The following LRRN1 variants were observed in gnomAD, a reference collection of about 807,000 sequenced individuals.
LRRN1 encodes leucine rich repeat neuronal 1.
LRRN1 carries 14 observed loss-of-function variants against 45.8 expected under a neutral mutation model. That is an observed-to-expected ratio of 0.31 (90% CI 0.20 to 0.48). The LOEUF is 0.48. Ranked by LOEUF, LRRN1 falls within the 20% of genes least tolerant of loss-of-function variation. The probability of loss-of-function intolerance (pLI) is 0.99; values close to 1 mark genes in which losing one functional copy is unlikely to be tolerated. For synonymous variants in LRRN1, 359 were observed against 330.1 expected (o/e 1.09, Z -0.95); for missense variants, 789 against 874.2 (o/e 0.90, Z 1.23).
In LRRN1 at chr3:3,844,594, T is replaced by G. The variant is rs1693716312; in HGVS notation, c.-48T>G. On this transcript the variant is annotated 5_prime_UTR_variant, in exon 2 of 2. Coordinates refer to ENST00000319331, the MANE Select transcript of LRRN1 (RefSeq NM_020873.7). ...ATATCACAATATAGTGTTCACGTTTTGTTAAAACTTTGGGGTGTCAGGAGT... is the reference window on the plus strand; with the variant it reads ...ATATCACAATATAGTGTTCACGTTTGGTTAAAACTTTGGGGTGTCAGGAGT... The G allele has an allele frequency of 7.0e-7, 1 of 1,429,042 alleles. No individual in the cohort carries two copies. Among genetic ancestry groups the G allele is most frequent in the Admixed American group, 1.9e-5 (1 of 51,816 alleles). 88.5% of individuals were successfully genotyped at this position (1,429,042 alleles called of 1,614,324 possible).
chr3:3,842,401 A>ATG (rs899913066), intron 1 of LRRN1, among the ~76,000 whole-genome samples: 5 of 146,212 alleles, frequency 3.4e-5, no homozygotes, highest in African/African-American at 1.3e-4. Context: ...TCTGGATTTA[A>ATG]TTTTTTTTTT....
At chr3:3,819,068 A>G (rs1693047754) in intron 1 of LRRN1, among the ~76,000 whole-genome samples, 1 of 151,904 alleles carries the variant, frequency 6.6e-6, no homozygotes, top group African/African-American at 2.4e-5. Context: ...ATCACAGCTC[A>G]CTTGCAGCCT....
intron 1 of LRRN1, among the ~76,000 whole-genome samples, chr3:3,835,744 C>T (rs1347557800): frequency 1.3e-5 from 2 of 152,098 alleles, no homozygotes; most frequent in Admixed American, 1.3e-4. Flanking sequence ...AATATCCTAT[C>T]TGACACAATG....
chr3:3,834,501 C>T (rs1348306238), intron 1 of LRRN1, among the ~76,000 whole-genome samples: 4 of 57,648 alleles, frequency 6.9e-5, no homozygotes, highest in Admixed American at 2.7e-4. Context: ...TCTGTATTAG[C>T]GTTCTCTTAG....
intron 1 of LRRN1, among the ~76,000 whole-genome samples, chr3:3,834,525 G>GATATATATATATCATATATATATATAT (rs1553563063): frequency 1.5e-4 from 4 of 27,328 alleles, no homozygotes; most frequent in Non-Finnish European, 3.0e-4. Context: ...GACAGAACAG[G>GATATATATATATCATATATATATATAT]ATATATATAT....
At chr3:3,821,274 T>G (rs1227064828) in intron 1 of LRRN1, among the ~76,000 whole-genome samples, 2 of 152,188 alleles carry the variant, frequency 1.3e-5, no homozygotes, top group African/African-American at 4.8e-5. Flanking sequence ...CATTTCTCAT[T>G]CCCACCAGCT....
intron 1 of LRRN1, among the ~76,000 whole-genome samples, chr3:3,814,174 A>G (rs889014230): frequency 6.8e-6 from 1 of 146,110 alleles, no homozygotes; most frequent in Non-Finnish European, 1.5e-5. Context: ...CTTCTTAACC[A>G]GTTTCTCCCT....
At chr3:3,825,374 G>T (rs1693195414) in intron 1 of LRRN1, among the ~76,000 whole-genome samples, 1 of 152,178 alleles carries the variant, frequency 6.6e-6, no homozygotes, top group South Asian at 2.1e-4. Flanking sequence ...TGATGGATTT[G>T]CCCTTGCCTG....
At chr3:3,837,455 T>C (rs528528049) in intron 1 of LRRN1, among the ~76,000 whole-genome samples, 26 of 152,274 alleles carry the variant, frequency 1.7e-4, no homozygotes, top group African/African-American at 5.8e-4. Flanking sequence ...TTTGGGGTTA[T>C]TCCTGCCACC....
intron 1 of LRRN1, among the ~76,000 whole-genome samples, chr3:3,815,755 CCTCA>C (rs1692973890): frequency 6.6e-6 from 1 of 152,090 alleles, no homozygotes; most frequent in Non-Finnish European, 1.5e-5. Flanking sequence ...AAATGTATTT[CCTCA>C]CTATTATAAC....
At position 3,846,725 on chromosome 3, in the gene LRRN1, A is replaced by G; in HGVS notation, c.2084A>G (p.Asp695Gly). The G allele has an allele frequency of 1.2e-6, 2 of 1,614,046 alleles. No individual in the cohort carries two copies. Among genetic ancestry groups the G allele is most frequent in the Non-Finnish European group, 1.7e-6 (2 of 1,180,018 alleles). ...INLWEGDSEK[D>G]KDGSADTKPT... ...CTCTGGGAAGGTGACAGCGAGAAAG[A>G]CAAAGATGGTTCTGCAGACACCAAG... The change falls in exon 2 of 2, where the codon GAC becomes GGC. Residue 695 changes from aspartate to glycine, a missense_variant. Asp to Gly is a moderately conservative substitution (Grantham distance 94). Transcript: ENST00000319331. This position sits in a 1 kb window ranked among gnomAD's most constrained non-coding sequence, Gnocchi z 5.7.
intron 1 of LRRN1, among the ~76,000 whole-genome samples, chr3:3,824,141 G>A (rs1376800586): frequency 6.6e-6 from 1 of 152,202 alleles, no homozygotes; most frequent in Non-Finnish European, 1.5e-5. Context: ...TAGCTCACTT[G>A]AGACAAATGA....
chr3:3,846,367 G>A lies in LRRN1; in HGVS notation c.1726G>A (p.Val576Ile), dbSNP rs1167336544. The part of the protein sequence containing the change: ...PHITYTARVP[V>I]DVHEYNLTHL... ...CATAACATATACTGCCAGGGTCCCA[G>A]TCGATGTCCATGAATACAACCTAAC... is the stretch of plus-strand genomic sequence containing the variant. The change falls in exon 2 of 2, where the codon GTC becomes ATC. Residue 576 changes from valine (V) to isoleucine (I), a missense_variant. Val to Ile is a conservative substitution (Grantham distance 29, BLOSUM62 3). Transcript: ENST00000319331. The surrounding 1 kb of genome is among the most constrained non-coding windows in gnomAD (Gnocchi z 5.7). 6.2e-7 allele frequency: 1 copy of A among 1,613,758 alleles called. No individual in the cohort carries two copies. The highest frequency in any genetic ancestry group is 8.5e-7 in the Non-Finnish European group (1 of 1,180,012).
At chr3:3,823,491 T>A (rs1693149833) in intron 1 of LRRN1, among the ~76,000 whole-genome samples, 1 of 152,168 alleles carries the variant, frequency 6.6e-6, no homozygotes, top group African/African-American at 2.4e-5. Flanking sequence ...TTAATTTTCT[T>A]ATCGGAAGAG....
intron 1 of LRRN1, among the ~76,000 whole-genome samples, chr3:3,826,773 G>GA (rs1457197686): frequency 6.6e-6 from 1 of 152,060 alleles, no homozygotes; most frequent in Non-Finnish European, 1.5e-5. Context: ...TCAGGTGCCA[G>GA]AAAAAAGTCT....
chr3:3,802,983 A>G (rs1017848086), intron 1 of LRRN1, among the ~76,000 whole-genome samples: 2 of 97,616 alleles, frequency 2.0e-5, no homozygotes, highest in African/African-American at 5.8e-5. Flanking sequence ...TAAAACTGAT[A>G]AAGTGTTTAA....
At chr3:3,801,835 T>C (rs2106448017) in intron 1 of LRRN1, among the ~76,000 whole-genome samples, 1 of 152,318 alleles carries the variant, frequency 6.6e-6, no homozygotes, top group Non-Finnish European at 1.5e-5. Context: ...AAAAGGTTTG[T>C]GTGAAGCAGA....
chr3:3,814,028 T>A (rs1447719418), intron 1 of LRRN1, among the ~76,000 whole-genome samples: 4 of 151,934 alleles, frequency 2.6e-5, no homozygotes, highest in Admixed American at 2.6e-4. Context: ...GCACATCTAG[T>A]CAACTGCAGT....
intron 1 of LRRN1, among the ~76,000 whole-genome samples, chr3:3,834,187 C>T (rs940132610): frequency 5.9e-5 from 9 of 151,970 alleles, no homozygotes; most frequent in Admixed American, 5.9e-4. Flanking sequence ...AACTTAGGAG[C>T]AACCAACCAG....
Sources: allele counts gnomAD v4.1 joint callset (sites outside exome capture counted in the v4.1 genomes callset), GRCh38; gene constraint gnomAD v4.1.1; non-coding constraint Gnocchi (gnomAD v3.1); transcripts MANE v1.5; gene names NCBI Gene and HGNC (gene_info 2026-07-23, HGNC 2026-07-21).